DARS1: variants seen among roughly 807,000 people sequenced by gnomAD.
The protein encoded by DARS1 is aspartyl-tRNA synthetase 1.
In DARS1, 51 loss-of-function variants were observed where a neutral mutation model predicts 68.8. The ratio of observed to expected loss-of-function variants is 0.74; its 90% CI spans 0.59 to 0.94. DARS1 has a LOEUF of 0.94. DARS1 is among the 40% of genes least tolerant of loss of function. The pLI is 0.00. For missense variants in DARS1, 607 were observed against 597.3 expected (o/e 1.02, Z -0.17); for synonymous variants, 203 against 190.4 (o/e 1.07, Z -0.55).
chr2:135,985,633 A>C, upstream of DARS1: 1 of 1,443,874 alleles, frequency 6.9e-7, no homozygotes, highest in Admixed American at 2.5e-5. Flanking sequence ...AGATCGCGAG[A>C]GCTGCGGCTA....
chr2:135,985,429 G>C lies in DARS1; in HGVS notation c.40C>G (p.Pro14Ala). 1 of 1,613,996 alleles carries C rather than the reference G, an allele frequency of 6.2e-7. No individual in the cohort carries two copies. Among genetic ancestry groups the C allele is most frequent in the African/African-American group, 1.3e-5 (1 of 75,054 alleles). ...TCCGCCGCGTCCATGATCTCCCGCGGCTTCTCCTGACTCTTGCGGCTGGCG... is the reference window on the plus strand; with the variant it reads ...TCCGCCGCGTCCATGATCTCCCGCGCCTTCTCCTGACTCTTGCGGCTGGCG... ...ASASRKSQEKPREIMDAAEDY... is the reference protein window; with the variant it reads ...ASASRKSQEKAREIMDAAEDY... The change falls in exon 1 of 16, where the codon CCG (proline) becomes GCG (alanine). Residue 14 changes from proline to alanine, a missense_variant. Coordinates refer to ENST00000264161, the MANE Select transcript of DARS1 (RefSeq NM_001349.4).
intron 5 of DARS1, among the ~76,000 whole-genome samples, chr2:135,935,758 T>C (rs1388233127): frequency 2.0e-5 from 3 of 152,170 alleles, no homozygotes; most frequent in Admixed American, 2.0e-4. Context: ...ATCATATTAG[T>C]TAACCCAAAC....
chr2:135,941,200 G>A (rs548450043), intron 5 of DARS1, among the ~76,000 whole-genome samples: 46 of 152,106 alleles, frequency 3.0e-4, no homozygotes, highest in African/African-American at 1.1e-3. Context: ...CCTGCATTGC[G>A]AAGACAATCC....
chr2:135,981,530 T>C (rs1682632204), intron 2 of DARS1, among the ~76,000 whole-genome samples: 1 of 152,144 alleles, frequency 6.6e-6, no homozygotes, highest in Non-Finnish European at 1.5e-5. Context: ...AAGTGGTAAA[T>C]ATAATGCAAA....
At chr2:135,977,526 C>T (rs1419919144) in intron 3 of DARS1, among the ~76,000 whole-genome samples, 1 of 152,128 alleles carries the variant, frequency 6.6e-6, no homozygotes, top group African/African-American at 2.4e-5. Context: ...GGAAAAAGTG[C>T]CCCATTTGGA....
chr2:135,957,222 A>G (rs6757965), intron 4 of DARS1, among the ~76,000 whole-genome samples: 4,755 of 150,508 alleles, frequency 0.032, 186 homozygotes, highest in African/African-American at 0.096. Context: ...ATGCAGCCAT[A>G]TCCTACTAAT....
At chr2:135,981,424 C>T (rs753582244) in intron 2 of DARS1, among the ~76,000 whole-genome samples, 37 of 152,082 alleles carry the variant, frequency 2.4e-4, no homozygotes, top group Non-Finnish European at 4.1e-4. Flanking sequence ...CCCGAAAACC[C>T]GGAATGCTCC....
intron 4 of DARS1, among the ~76,000 whole-genome samples, chr2:135,953,428 C>T (rs1273659100): frequency 6.6e-6 from 1 of 152,046 alleles, no homozygotes; most frequent in Non-Finnish European, 1.5e-5. Context: ...TGGCATACAC[C>T]ACACAGCTGC....
At chr2:135,921,267 G>A (rs1351571082) in intron 9 of DARS1, among the ~76,000 whole-genome samples, 1 of 151,402 alleles carries the variant, frequency 6.6e-6, no homozygotes, top group Non-Finnish European at 1.5e-5. Context: ...ACTGTAGTAA[G>A]ACATAAAATG....
Position 135,946,632 on chromosome 2 carries a change from G to A in DARS1, c.321-3152C>T, listed in dbSNP as rs1259762561. ...TAAACCCTGAGAAATGGCTACCGTAGATGATCTGAAAATCAAGGGTGAAGG... is the reference window on the plus strand; with the variant it reads ...TAAACCCTGAGAAATGGCTACCGTAAATGATCTGAAAATCAAGGGTGAAGG... On this transcript the variant is annotated intron_variant, in intron 4 of 15. Coordinates refer to ENST00000264161, the MANE Select transcript of DARS1 (RefSeq NM_001349.4). 2.0e-5 allele frequency among the ~76,000 whole-genome samples: 3 copies of A among 152,160 alleles called. No individual in the cohort carries two copies. The East Asian group carries it at 5.8e-4, about 29-fold the overall frequency.
Position 135,961,387 on chromosome 2 carries a change from C to T in DARS1, c.320+9G>A. The T allele has an allele frequency of 1.7e-6, 2 of 1,165,406 alleles. No homozygotes were observed. Among genetic ancestry groups the T allele is most frequent in the Non-Finnish European group, 2.6e-6 (2 of 769,426 alleles). The allele number at this position is 1,165,406 out of a possible 1,614,324, so 72.2% of individuals were successfully genotyped here. On this transcript the variant is annotated intron_variant, in intron 4 of 15. Coordinates refer to ENST00000264161, the MANE Select transcript of DARS1 (RefSeq NM_001349.4). ...TTATTCTGACAACAGGATATAATTG[C>T]TTACTTACTTGGCAGCAAATTTAAC...
Position 135,985,597 on chromosome 2 carries a change from C to A in DARS1, c.-129G>T. 6.5e-7 allele frequency: 1 copy of A among 1,541,248 alleles called. No homozygotes were observed. The highest frequency in any genetic ancestry group is 8.8e-7 in the Non-Finnish European group (1 of 1,139,270). ...TGGGGTCTCAGCACACGCGCTCGGA[C>A]TCCGCGTGGAGGTGCGGCTCCAGAA... On this transcript the variant is annotated 5_prime_UTR_variant, in exon 1 of 16. Transcript: ENST00000264161.
At chr2:135,942,848 T>C (rs2104818757) in intron 5 of DARS1, among the ~76,000 whole-genome samples, 1 of 152,332 alleles carries the variant, frequency 6.6e-6, no homozygotes, top group Admixed American at 6.5e-5. Flanking sequence ...CTCTTGCTCC[T>C]GCATGTATAT....
chr2:135,948,764 G>C (rs1190088743), intron 4 of DARS1, among the ~76,000 whole-genome samples: 1 of 152,018 alleles, frequency 6.6e-6, no homozygotes, highest in East Asian at 1.9e-4. Context: ...CTAGATACTC[G>C]GGAGGCTGAG....
intron 3 of DARS1, among the ~76,000 whole-genome samples, chr2:135,974,983 C>T (rs962323883): frequency 1.2e-4 from 17 of 143,290 alleles, no homozygotes; most frequent in African/African-American, 3.7e-4. Context: ...GAACTTTATA[C>T]AAATGAGAAA....
chr2:135,934,015 T>C (rs752721141), intron 5 of DARS1, 25 bp from the exon 6 acceptor site: 1 of 1,604,698 alleles, frequency 6.2e-7, no homozygotes, highest in Non-Finnish European at 8.5e-7. Context: ...TTACCAAAAA[T>C]AGTAGAAAGC....
At chr2:135,956,340 T>C (rs1285463823) in intron 4 of DARS1, among the ~76,000 whole-genome samples, 2 of 152,162 alleles carry the variant, frequency 1.3e-5, no homozygotes, top group Non-Finnish European at 2.9e-5. Flanking sequence ...GGAAAATTAC[T>C]AAGAGGAGCC....
Position 135,947,215 on chromosome 2 carries a change from G to A in DARS1, c.321-3735C>T, listed in dbSNP as rs1353839007. Among the ~76,000 whole-genome samples the A allele has an allele frequency of 2.6e-5, 4 of 152,180 alleles. No individual in the cohort carries two copies. The East Asian group carries it at 7.8e-4, about 30-fold the overall frequency. ...GAGGTCAGGAGTTTAAGACCAGCGT[G>A]GCCAACATGGTGAAACCCAGTCTCT... On this transcript the variant is annotated intron_variant, in intron 4 of 15. Transcript: ENST00000264161.
intron 9 of DARS1, among the ~76,000 whole-genome samples, chr2:135,921,322 A>G (rs1681107203): frequency 6.6e-6 from 1 of 151,810 alleles, no homozygotes; most frequent in African/African-American, 2.4e-5. Flanking sequence ...AGTTAATCCT[A>G]ACCTATATTT....
Sources: allele counts gnomAD v4.1 joint callset (sites outside exome capture counted in the v4.1 genomes callset), GRCh38; gene constraint gnomAD v4.1.1; transcripts MANE v1.5; gene names NCBI Gene and HGNC (gene_info 2026-07-23, HGNC 2026-07-21).